Variants in PLAG1 observed in about 807,000 individuals in gnomAD.
PLAG1 encodes PLAG1 zinc finger, also known as zinc finger protein PLAG1.
In PLAG1, 7 loss-of-function variants were observed where a neutral mutation model predicts 35.5. That is an observed-to-expected ratio of 0.20 (90% CI 0.11 to 0.37). PLAG1 has a LOEUF of 0.37. Among genes scored for constraint, PLAG1 ranks in the 10% least tolerant of loss-of-function variants. The pLI is 1.00. For synonymous variants in PLAG1, 229 were observed against 225.4 expected (o/e 1.02, Z -0.14); for missense variants, 454 against 602.8 (o/e 0.75, Z 2.58).
chr8:56,179,488 C>T lies in PLAG1; in HGVS notation c.-296G>A, dbSNP rs927500519. 11 of 973,270 alleles carry T rather than the reference C, an allele frequency of 1.1e-5. No individual in the cohort carries two copies. Among genetic ancestry groups the T allele is most frequent in the African/African-American group, 1.8e-5 (1 of 56,978 alleles). The allele number at this position is 973,270 out of a possible 1,614,324, so 60.3% of individuals were successfully genotyped here. On this transcript the variant is annotated 5_prime_UTR_variant, in exon 2 of 5. Transcript: ENST00000316981. ...AATGAAGCATTCTGGGTGCCAAATACGGCCAAGGCAGCACCAAGAGGCAAC... is the reference window on the plus strand; with the variant it reads ...AATGAAGCATTCTGGGTGCCAAATATGGCCAAGGCAGCACCAAGAGGCAAC...
rs1367858063 is a variant in PLAG1 at position 56,208,579 on chromosome 8, A to G, written c.-322+2542T>C. ...AGTAGGGCAAGAAAAAACATTCTAT[A>G]TAAGAAGTCTAAAAATTCAGCTCTA... On this transcript the variant is annotated intron_variant, in intron 1 of 4. Coordinates refer to ENST00000316981, the MANE Select transcript of PLAG1 (RefSeq NM_002655.3). 2.0e-5 allele frequency among the ~76,000 whole-genome samples: 3 copies of G among 152,224 alleles called. No homozygotes were observed. In the East Asian group the frequency reaches 5.8e-4, roughly 29 times the overall value.
chr8:56,192,992 T>C (rs1480700365), intron 1 of PLAG1, among the ~76,000 whole-genome samples: 1 of 152,096 alleles, frequency 6.6e-6, no homozygotes, highest in Non-Finnish European at 1.5e-5. Flanking sequence ...CTTTAAGAAA[T>C]ATAACAGCTA....
intron 1 of PLAG1, among the ~76,000 whole-genome samples, chr8:56,192,625 G>T (rs1463796274): frequency 6.6e-6 from 1 of 152,094 alleles, no homozygotes; most frequent in African/African-American, 2.4e-5. Flanking sequence ...TAAAATGATG[G>T]GAACACTAAT....
At chr8:56,208,559 G>C (rs1423732337) in intron 1 of PLAG1, among the ~76,000 whole-genome samples, 1 of 151,860 alleles carries the variant, frequency 6.6e-6, no homozygotes, top group Non-Finnish European at 1.5e-5. Flanking sequence ...TATACAGTAG[G>C]GCAAGAAAAA....
chr8:56,172,657 GCC>G (rs1288421626), intron 2 of PLAG1, among the ~76,000 whole-genome samples: 3 of 152,130 alleles, frequency 2.0e-5, no homozygotes, highest in African/African-American at 7.2e-5. Context: ...AAGGTGAGAG[GCC>G]CACAGAAGAT....
At chr8:56,202,202 C>T (rs898286599) in intron 1 of PLAG1, among the ~76,000 whole-genome samples, 1 of 152,202 alleles carries the variant, frequency 6.6e-6, no homozygotes, top group African/African-American at 2.4e-5. Flanking sequence ...GACCACACTT[C>T]TGAACTGTGC....
rs1554532027 is a variant in PLAG1, at chr8:56,164,339, T to TTA, written c.*1902_*1903dup. The TTA allele has an allele frequency of 9.7e-5, 21 of 216,356 alleles. No individual in the cohort carries two copies. Among genetic ancestry groups the TTA allele is most frequent in the East Asian group, 2.0e-4 (3 of 14,698 alleles). 13.4% of individuals were successfully genotyped at this position (216,356 alleles called of 1,614,324 possible). A position where few individuals can be genotyped will look rare whatever the true frequency, so the allele number is the denominator to read the frequency against. On this transcript the variant is annotated 3_prime_UTR_variant, in exon 5 of 5. Coordinates refer to ENST00000316981, the MANE Select transcript of PLAG1 (RefSeq NM_002655.3). ...GTGTGCATGTGTGTGTGTGTGTGTA[T>TTA]TATATATATATATTGAAGCCCCCAT...
rs1284182200 is a variant in PLAG1 at position 56,207,193 on chromosome 8, A to T, written c.-322+3928T>A. 2.6e-5 allele frequency among the ~76,000 whole-genome samples: 4 copies of T among 151,996 alleles called. No individual in the cohort carries two copies. In the East Asian group the frequency reaches 7.7e-4, roughly 29 times the overall value. ...AATTATTTTGACTACACAGCTCAAG[A>T]GGCAAATGATTACTGAAACAAAACT... On this transcript the variant is annotated intron_variant, in intron 1 of 4. Transcript: ENST00000316981.
intron 2 of PLAG1, among the ~76,000 whole-genome samples, chr8:56,172,776 T>A (rs1359625914): frequency 6.6e-6 from 1 of 152,174 alleles, no homozygotes; most frequent in Non-Finnish European, 1.5e-5. Flanking sequence ...AGCAAACCAA[T>A]TTGCAAGTGG....
chr8:56,182,204 G>A (rs1811890632), intron 1 of PLAG1, among the ~76,000 whole-genome samples: 1 of 152,244 alleles, frequency 6.6e-6, no homozygotes, highest in Non-Finnish European at 1.5e-5. Context: ...GTTTGAATGA[G>A]ACACAGAAGA....
rs968727745 is a variant in PLAG1, at chr8:56,163,375, G to A, written c.*2868C>T. The A allele has an allele frequency of 1.5e-5, 3 of 198,288 alleles. No homozygotes were observed. The highest frequency in any genetic ancestry group is 6.9e-5 in the African/African-American group (3 of 43,246). The allele number at this position is 198,288 out of a possible 1,614,324, so 12.3% of individuals were successfully genotyped here. A position where few individuals can be genotyped will look rare whatever the true frequency, so the allele number is the denominator to read the frequency against. ...ACAATCTTTTTCTAGGGAAAAAAAA[G>A]CCAATTCTGTGTTACATCCTTGTTA... On this transcript the variant is annotated 3_prime_UTR_variant, in exon 5 of 5. Coordinates refer to ENST00000316981, the MANE Select transcript of PLAG1 (RefSeq NM_002655.3).
rs1015664726 is a variant in PLAG1, at chr8:56,165,958, A to G, written c.*285T>C. On this transcript the variant is annotated 3_prime_UTR_variant, in exon 5 of 5. Coordinates refer to ENST00000316981, the MANE Select transcript of PLAG1 (RefSeq NM_002655.3). Reference sequence around the variant, plus strand: ...AAGTAATTTGAAAATGGGATTTGTAAAAGTTTACTACTAATAATGGCTTTC... The same window carrying G: ...AAGTAATTTGAAAATGGGATTTGTAGAAGTTTACTACTAATAATGGCTTTC... 4 of 237,670 alleles carry G rather than the reference A, an allele frequency of 1.7e-5. No homozygotes were observed. The highest frequency in any genetic ancestry group is 3.3e-5 in the Non-Finnish European group (4 of 122,120). 14.7% of individuals were successfully genotyped at this position (237,670 alleles called of 1,614,324 possible). A position where few individuals can be genotyped will look rare whatever the true frequency, so the allele number is the denominator to read the frequency against.
intron 2 of PLAG1, chr8:56,177,979 A>G: frequency 1.0e-6 from 1 of 959,486 alleles, no homozygotes; most frequent in Non-Finnish European, 1.2e-6. Context: ...GAGCCCGCCA[A>G]GCACGGATAC....
intron 1 of PLAG1, among the ~76,000 whole-genome samples, chr8:56,208,179 T>A (rs903028885): frequency 6.7e-6 from 1 of 150,076 alleles, no homozygotes; most frequent in African/African-American, 2.5e-5. Context: ...TAATTCTGAC[T>A]ACTTATAGTC....
At chr8:56,177,014 A>G (rs540303075) in intron 2 of PLAG1, among the ~76,000 whole-genome samples, 1 of 152,328 alleles carries the variant, frequency 6.6e-6, no homozygotes, top group Admixed American at 6.5e-5. Context: ...TCAAACAAAA[A>G]GGCAGACATC....
rs990018985 is a variant in PLAG1 at position 56,167,401 on chromosome 8, G to A, written c.345C>T (p.Asp115=). The A allele has an allele frequency of 1.2e-6, 2 of 1,613,584 alleles. No individual in the cohort carries two copies. The highest frequency in any genetic ancestry group is 2.7e-5 in the African/African-American group (2 of 74,934). The change falls in exon 5 of 5, where the codon GAC becomes GAT. Residue 115 remains aspartate, a synonymous_variant. Coordinates refer to ENST00000316981, the MANE Select transcript of PLAG1 (RefSeq NM_002655.3). This position sits in a 1 kb window ranked among gnomAD's most constrained non-coding sequence, Gnocchi z 5.9. The part of the protein sequence containing the change: ...DHLKNHLHTH[D]PNKETFKCEE... ...CGCACTTAAACGTCTCTTTGTTAGG[G>A]TCGTGTGTATGGAGGTGATTCTTCA...
At position 56,166,019 on chromosome 8, in the gene PLAG1, T is replaced by C. The variant is rs146219331; in HGVS notation, c.*224A>G. 12 of 311,874 alleles carry C rather than the reference T, an allele frequency of 3.8e-5. No homozygotes were observed. The highest frequency in any genetic ancestry group is 2.4e-4 in the East Asian group (5 of 20,782). 19.3% of individuals were successfully genotyped at this position (311,874 alleles called of 1,614,324 possible). On this transcript the variant is annotated 3_prime_UTR_variant, in exon 5 of 5. Coordinates refer to ENST00000316981, the MANE Select transcript of PLAG1 (RefSeq NM_002655.3). ...AAAAAAAAGTCTTAAAATGTGACAATTGGCAGTGAATCAGGACAAAATACC... is the reference window on the plus strand; with the variant it reads ...AAAAAAAAGTCTTAAAATGTGACAACTGGCAGTGAATCAGGACAAAATACC...
In PLAG1 at chr8:56,167,388, T is replaced by C; in HGVS notation, c.358A>G (p.Thr120Ala). The C allele has an allele frequency of 6.2e-7, 1 of 1,613,986 alleles. No homozygotes were observed. Among genetic ancestry groups the C allele is most frequent in the Non-Finnish European group, 8.5e-7 (1 of 1,179,938 alleles). Residue 120 changes from threonine (T) to alanine (A), a missense_variant, in exon 5 of 5, where the codon ACG (threonine) becomes GCG (alanine). Thr to Ala is a moderately conservative substitution (Grantham distance 58, BLOSUM62 0). Transcript: ENST00000316981. The surrounding 1 kb of genome is among the most constrained non-coding windows in gnomAD (Gnocchi z 5.9). ...TTGCCACATTCTTCGCACTTAAACG[T>C]CTCTTTGTTAGGGTCGTGTGTATGG... ...HLHTHDPNKETFKCEECGKNY... is the reference protein window; with the variant it reads ...HLHTHDPNKEAFKCEECGKNY...
intron 1 of PLAG1, among the ~76,000 whole-genome samples, chr8:56,184,005 C>A (rs60270334): frequency 0.016 from 2,478 of 152,210 alleles, 79 homozygotes; most frequent in African/African-American, 0.057. Context: ...TGTAAAACTT[C>A]CCCTCAAAAG....
Sources: allele counts gnomAD v4.1 joint callset (sites outside exome capture counted in the v4.1 genomes callset), GRCh38; gene constraint gnomAD v4.1.1; non-coding constraint Gnocchi (gnomAD v3.1); transcripts MANE v1.5; gene names NCBI Gene and HGNC (gene_info 2026-07-23, HGNC 2026-07-21).